Variants in CNTLN observed in about 807,000 individuals in gnomAD.
CNTLN encodes centlein, also known as centlein, centrosomal protein.
CNTLN carries 212 observed loss-of-function variants against 180.0 expected under a neutral mutation model. That is an observed-to-expected ratio of 1.18 (90% CI 1.05 to 1.32). The LOEUF (loss-of-function observed/expected upper bound fraction) is 1.32. Ranked by LOEUF, CNTLN falls within the 40% of genes most tolerant of loss-of-function variation. CNTLN has a pLI of 0.00. For synonymous variants in CNTLN, 722 were observed against 563.1 expected (o/e 1.28, Z -3.99); for missense variants, 2,095 against 1,610.9 (o/e 1.30, Z -5.14).
chr9:17,235,614 C>A, intron 3 of CNTLN, 44 bp from the exon 4 acceptor site: 1 of 1,428,068 alleles, frequency 7.0e-7, no homozygotes, highest in Non-Finnish European at 9.4e-7. Flanking sequence ...TACTGTTTTT[C>A]TTAGAAATAA....
intron 5 of CNTLN, among the ~76,000 whole-genome samples, chr9:17,246,595 T>A (rs1825807704): frequency 6.6e-6 from 1 of 152,140 alleles, no homozygotes; most frequent in Admixed American, 6.6e-5. Context: ...CAATCAGCAA[T>A]TCGTTAATCC....
At chr9:17,517,217 C>T in the CNTLN span, among the ~76,000 whole-genome samples, 3 of 151,662 alleles carry the variant, frequency 2.0e-5, no homozygotes, top group East Asian at 3.9e-4. Context: ...GGTGAAACCC[C>T]GTCTCTACTA....
chr9:17,150,193 G>C (rs1818759621), intron 2 of CNTLN, among the ~76,000 whole-genome samples: 1 of 152,158 alleles, frequency 6.6e-6, no homozygotes, highest in Admixed American at 6.5e-5. Flanking sequence ...TGTTGCCATT[G>C]CTTTTGGTGT....
rs1161349595 is a variant in CNTLN at position 17,466,892 on chromosome 9, GT to G, written c.3855+4del. 2 of 1,605,116 alleles carry G rather than the reference GT, an allele frequency of 1.2e-6. No individual in the cohort carries two copies. Among genetic ancestry groups the G allele is most frequent in the African/African-American group, 2.7e-5 (2 of 74,396 alleles). On this transcript the variant is annotated splice_donor_variant, in intron 23 of 25. Transcript: ENST00000380647. LOFTEE classifies it high-confidence loss of function. ...AGAAGAGTTCACCACATTTGTGAAG[GT>G]TTGAATTACTTGTCGTTTACTAACT...
At chr9:17,422,337 T>G (rs1270912463) in intron 18 of CNTLN, among the ~76,000 whole-genome samples, 1 of 152,118 alleles carries the variant, frequency 6.6e-6, no homozygotes, top group Non-Finnish European at 1.5e-5. Context: ...GGGATTTTGA[T>G]TATTAAGTGC....
chr9:17,301,614 A>G (rs1446341648), intron 7 of CNTLN: 5 of 982,384 alleles, frequency 5.1e-6, no homozygotes, highest in Non-Finnish European at 6.0e-6. Context: ...TGTACCTCCC[A>G]CTGTAATATT....
intron 8 of CNTLN, among the ~76,000 whole-genome samples, chr9:17,312,342 T>TTTATATATATATATATATA (rs1563984620): frequency 1.7e-4 from 2 of 11,568 alleles, no homozygotes; most frequent in African/African-American, 3.5e-4. Context: ...GATTACTGTA[T>TTTATATATATATATATATA]TTATATATAT....
At chr9:17,269,295 C>A (rs1827762796) in intron 5 of CNTLN, among the ~76,000 whole-genome samples, 1 of 151,948 alleles carries the variant, frequency 6.6e-6, no homozygotes, top group Non-Finnish European at 1.5e-5. Context: ...TTCCTTTCTT[C>A]TGCTAACTTT....
intron 7 of CNTLN, among the ~76,000 whole-genome samples, chr9:17,305,712 G>C (rs1441590221): frequency 6.6e-6 from 1 of 152,110 alleles, no homozygotes; most frequent in African/African-American, 2.4e-5. Context: ...GTTGAAGGCT[G>C]TTTTAACCAA....
intron 19 of CNTLN, among the ~76,000 whole-genome samples, chr9:17,460,582 A>T (rs1365474801): frequency 6.6e-6 from 1 of 151,758 alleles, no homozygotes; most frequent in Non-Finnish European, 1.5e-5. Flanking sequence ...TACCCATCTG[A>T]TAAAAATTTT....
At chr9:17,301,113 G>A (rs1389523425) in intron 7 of CNTLN, 4 of 985,250 alleles carry the variant, frequency 4.1e-6, no homozygotes, top group African/African-American at 1.7e-5. Context: ...GTAATACTTT[G>A]CTGAGAAGAT....
intron 5 of CNTLN, among the ~76,000 whole-genome samples, chr9:17,240,216 T>G (rs552238151): frequency 6.6e-5 from 10 of 152,296 alleles, no homozygotes; most frequent in Middle Eastern, 6.8e-3. Context: ...TTTTTGATGC[T>G]ATTGTAATCG....
At chr9:17,257,663 A>G (rs1161804865) in intron 5 of CNTLN, among the ~76,000 whole-genome samples, 20 of 151,324 alleles carry the variant, frequency 1.3e-4, no homozygotes, top group Admixed American at 3.3e-4. Context: ...TTTAATGATC[A>G]CCATTCTAAC....
intron 7 of CNTLN, chr9:17,302,180 C>A: frequency 5.8e-6 from 5 of 862,676 alleles, no homozygotes; most frequent in East Asian, 1.3e-4. Flanking sequence ...GCTATAACAT[C>A]ATATTAACCA....
chr9:17,374,760 C>G (rs1824611637), intron 13 of CNTLN, among the ~76,000 whole-genome samples: 1 of 151,722 alleles, frequency 6.6e-6, no homozygotes, highest in Admixed American at 6.6e-5. Flanking sequence ...ACTTGGGAGG[C>G]TGAGACAAGA....
At position 17,265,814 on chromosome 9, in the gene CNTLN, G is replaced by T. The variant is rs188056208; in HGVS notation, c.850-7919G>T. On this transcript the variant is annotated intron_variant, in intron 5 of 25. Coordinates refer to ENST00000380647, the MANE Select transcript of CNTLN (RefSeq NM_017738.4). ...TTATCCATTTCTTCTACATTTTCTGGTTTATTTGCTTAGAGGTGTTTGTAG... is the reference window on the plus strand; with the variant it reads ...TTATCCATTTCTTCTACATTTTCTGTTTTATTTGCTTAGAGGTGTTTGTAG... 4.7e-4 allele frequency among the ~76,000 whole-genome samples: 71 copies of T among 152,218 alleles called. No homozygotes were observed. In the East Asian group the frequency reaches 0.013, roughly 27 times the overall value.
chr9:17,267,308 G>T (rs1827545587), intron 5 of CNTLN, among the ~76,000 whole-genome samples: 1 of 152,094 alleles, frequency 6.6e-6, no homozygotes, highest in Non-Finnish European at 1.5e-5. Context: ...AGGTTAGGTT[G>T]GCTGGATATG....
chr9:17,403,125 G>A (rs750328162), intron 15 of CNTLN, among the ~76,000 whole-genome samples: 1 of 151,668 alleles, frequency 6.6e-6, no homozygotes, highest in Non-Finnish European at 1.5e-5. Context: ...TGGAAGATTG[G>A]TGGCAGGAAG....
At chr9:17,307,597 A>G (rs1232068543) in intron 7 of CNTLN, among the ~76,000 whole-genome samples, 6 of 152,102 alleles carry the variant, frequency 3.9e-5, no homozygotes, top group African/African-American at 1.4e-4. Context: ...AAAATAAAAG[A>G]TAAAAGGTAT....
Sources: allele counts gnomAD v4.1 joint callset (sites outside exome capture counted in the v4.1 genomes callset), GRCh38; gene constraint gnomAD v4.1.1; transcripts MANE v1.5; gene names NCBI Gene and HGNC (gene_info 2026-07-23, HGNC 2026-07-21).